SPAG16: variants seen among roughly 807,000 people sequenced by gnomAD.
The protein encoded by SPAG16 is sperm associated antigen 16, also known as sperm-associated antigen 16 protein.
SPAG16 carries 86 observed loss-of-function variants against 80.4 expected under a neutral mutation model. The observed-to-expected ratio is 1.07, with a 90% CI of 0.90 to 1.28. The LOEUF is 1.28. Ranked by LOEUF, SPAG16 falls within the 50% of genes most tolerant of loss-of-function variation. The pLI is 0.00. For missense variants in SPAG16, 870 were observed against 765.3 expected, an observed-to-expected ratio of 1.14 and a Z score of -1.61; for synonymous variants, 294 against 265.9, an observed-to-expected ratio of 1.11 and a Z score of -1.03.
chr2:214,166,600 C>T (rs1377797367), intron 15 of SPAG16, among the ~76,000 whole-genome samples: 1 of 152,118 alleles, frequency 6.6e-6, no homozygotes, highest in Non-Finnish European at 1.5e-5. Context: ...TTAATTTATT[C>T]CTCTATCTTT....
At chr2:213,648,595 GACAC>G (rs10538676) in intron 10 of SPAG16, among the ~76,000 whole-genome samples, 56 of 149,502 alleles carry the variant, frequency 3.7e-4, no homozygotes, top group Non-Finnish European at 5.5e-4. Context: ...GGCACACACA[GACAC>G]ACACACACAC....
chr2:213,888,629 CT>C (rs1201672968), intron 11 of SPAG16, among the ~76,000 whole-genome samples: 1 of 151,720 alleles, frequency 6.6e-6, no homozygotes, highest in Non-Finnish European at 1.5e-5. Flanking sequence ...TGTCTCATGT[CT>C]AATAATGATA....
chr2:214,382,381 T>C (rs551130211), intron 15 of SPAG16, among the ~76,000 whole-genome samples: 11 of 152,300 alleles, frequency 7.2e-5, no homozygotes, highest in African/African-American at 2.4e-4. Flanking sequence ...TGTTGCAAAA[T>C]AGAACCTACA....
intron 13 of SPAG16, among the ~76,000 whole-genome samples, chr2:214,094,184 C>A (rs1195758995): frequency 1.3e-5 from 2 of 152,072 alleles, no homozygotes; most frequent in Non-Finnish European, 2.9e-5. Context: ...TATACCATGG[C>A]AGTTTGCAAA....
At chr2:213,451,328 A>G (rs2071677677) in intron 9 of SPAG16, among the ~76,000 whole-genome samples, 2 of 152,214 alleles carry the variant, frequency 1.3e-5, no homozygotes, top group African/African-American at 4.8e-5. Flanking sequence ...TCCCATGCCC[A>G]CAGGTTCAGT....
intron 10 of SPAG16, among the ~76,000 whole-genome samples, chr2:213,618,957 C>T (rs962782998): frequency 7.2e-5 from 11 of 152,042 alleles, no homozygotes; most frequent in Admixed American, 6.6e-5. Context: ...AGATAGTTGG[C>T]TCATTCATTA....
chr2:213,613,116 ACTTATAGTC>A (rs1574493633), intron 10 of SPAG16, among the ~76,000 whole-genome samples: 1 of 152,080 alleles, frequency 6.6e-6, no homozygotes, highest in East Asian at 1.9e-4. Flanking sequence ...ATTTTTAACC[ACTTATAGTC>A]CAAGCTATTA....
intron 10 of SPAG16, among the ~76,000 whole-genome samples, chr2:213,665,801 G>C (rs2063579317): frequency 6.6e-6 from 1 of 152,036 alleles, no homozygotes; most frequent in Non-Finnish European, 1.5e-5. Flanking sequence ...TATTTTCTCT[G>C]TGAGGTACAT....
At chr2:213,755,566 A>G (rs908734824) in intron 10 of SPAG16, among the ~76,000 whole-genome samples, 1 of 152,302 alleles carries the variant, frequency 6.6e-6, no homozygotes, top group Middle Eastern at 3.4e-3. Context: ...ACTCTTTTTT[A>G]TCATTTCATT....
chr2:214,060,743 G>A (rs575968491), intron 13 of SPAG16, among the ~76,000 whole-genome samples: 69 of 151,978 alleles, frequency 4.5e-4, no homozygotes, highest in Non-Finnish European at 7.4e-4. Context: ...TGCTTTTCTC[G>A]GGCATGGGAG....
intron 15 of SPAG16, among the ~76,000 whole-genome samples, chr2:214,207,950 T>C (rs563190034): frequency 1.3e-5 from 2 of 152,336 alleles, no homozygotes; most frequent in South Asian, 4.1e-4. Context: ...TCTCAGGCCT[T>C]CGGCCACACA....
intron 10 of SPAG16, among the ~76,000 whole-genome samples, chr2:213,518,393 A>G (rs772973881): frequency 1.4e-4 from 21 of 152,030 alleles, no homozygotes; most frequent in Non-Finnish European, 2.4e-4. Context: ...TCAGCCTCCT[A>G]CAGGAAGCTG....
At chr2:213,942,102 T>A (rs1026168500) in intron 12 of SPAG16, among the ~76,000 whole-genome samples, 13 of 152,080 alleles carry the variant, frequency 8.5e-5, no homozygotes, top group African/African-American at 3.1e-4. Context: ...GATGCCAAGG[T>A]CTTCCTCACA....
chr2:214,182,949 C>A (rs2057352612), intron 15 of SPAG16, among the ~76,000 whole-genome samples: 1 of 151,822 alleles, frequency 6.6e-6, no homozygotes, highest in African/African-American at 2.4e-5. Context: ...TTATAAGGAA[C>A]TCTAGAAGAG....
chr2:213,834,122 G>A (rs1447833094), intron 10 of SPAG16, among the ~76,000 whole-genome samples: 1 of 152,096 alleles, frequency 6.6e-6, no homozygotes, highest in African/African-American at 2.4e-5. Context: ...TCTTGCCACT[G>A]CCACGTAGAA....
intron 15 of SPAG16, among the ~76,000 whole-genome samples, chr2:214,159,859 A>G (rs1219200634): frequency 6.6e-6 from 1 of 151,990 alleles, no homozygotes; most frequent in African/African-American, 2.4e-5. Flanking sequence ...TAATAGACAT[A>G]CATTTCAGAC....
chr2:214,348,882 A>G (rs931207577), intron 15 of SPAG16, among the ~76,000 whole-genome samples: 1 of 152,238 alleles, frequency 6.6e-6, no homozygotes, highest in Non-Finnish European at 1.5e-5. Flanking sequence ...ACAGTGATAC[A>G]TAACCAGAAT....
At chr2:214,351,778 T>A (rs1049843704) in intron 15 of SPAG16, among the ~76,000 whole-genome samples, 1 of 152,048 alleles carries the variant, frequency 6.6e-6, no homozygotes, top group Non-Finnish European at 1.5e-5. Context: ...GTATCAATTT[T>A]TTTTTTAGTT....
chr2:214,123,619 G>A, intron 14 of SPAG16, among the ~76,000 whole-genome samples: 1 of 151,938 alleles, frequency 6.6e-6, no homozygotes, highest in African/African-American at 2.4e-5. Context: ...CAATAAACCA[G>A]TAAATAAGTG....
Sources: gnomAD v4.1 joint callset for allele counts (sites outside exome capture counted in the v4.1 genomes callset) on GRCh38, gnomAD v4.1.1 for gene constraint, MANE v1.5 for transcripts, NCBI Gene and HGNC (gene_info 2026-07-23, HGNC 2026-07-21) for gene names.